The following EYA2 variants were observed in gnomAD, a reference collection of about 807,000 sequenced individuals.
EYA2 encodes the protein protein phosphatase EYA2.
EYA2 carries 31 observed loss-of-function variants against 69.2 expected under a neutral mutation model. The observed-to-expected ratio is 0.45, with a 90% CI of 0.34 to 0.60. EYA2 has a LOEUF of 0.60. Ranked by LOEUF, EYA2 falls within the 20% of genes least tolerant of loss-of-function variation. The pLI, the probability that EYA2 is intolerant of heterozygous loss-of-function variation, is 0.02. For missense variants in EYA2, 622 were observed against 701.2 expected (o/e 0.89, Z 1.28); for synonymous variants, 257 against 279.4 (o/e 0.92, Z 0.80).
chr20:46,939,264 C>T (rs530606672), intron 1 of EYA2, among the ~76,000 whole-genome samples: 1 of 152,176 alleles, frequency 6.6e-6, no homozygotes, highest in Admixed American at 6.5e-5. Flanking sequence ...GAAAAGGCAC[C>T]ATCTCACCAC....
At chr20:47,171,829 C>T (rs980706796) in intron 11 of EYA2, among the ~76,000 whole-genome samples, 1 of 152,114 alleles carries the variant, frequency 6.6e-6, no homozygotes, top group Admixed American at 6.6e-5. Flanking sequence ...CAGTGGCTCA[C>T]GCCTGTAATC....
intron 1 of EYA2, among the ~76,000 whole-genome samples, chr20:46,908,870 CTTTTTTTTTTT>C (rs56834738): frequency 0.013 from 604 of 47,552 alleles, 7 homozygotes; most frequent in Non-Finnish European, 0.015. Flanking sequence ...CTCTCCCGCA[CTTTTTTTTTTT>C]TTTTTTTTTT....
At chr20:46,984,376 A>G (rs1981041854) in intron 1 of EYA2, among the ~76,000 whole-genome samples, 1 of 94,686 alleles carries the variant, frequency 1.1e-5, no homozygotes, top group Non-Finnish European at 2.4e-5. Context: ...CCAGCAAATC[A>G]GTAAGAAAAA....
intron 15 of EYA2, among the ~76,000 whole-genome samples, chr20:47,184,031 A>G (rs796105368): frequency 2.8e-4 from 42 of 152,330 alleles, no homozygotes; most frequent in African/African-American, 9.6e-4. Context: ...AAAAATGTTC[A>G]GGGTCTCAGC....
In EYA2 at chr20:47,188,106, G is replaced by T; in HGVS notation, c.1590G>T (p.Arg530Ser). The T allele has an allele frequency of 6.3e-7, 1 of 1,587,310 alleles. No individual in the cohort carries two copies. The highest frequency in any genetic ancestry group is 1.2e-5 in the South Asian group (1 of 86,798). Residue 530 changes from arginine to serine, a missense_variant, in exon 16 of 16, where the codon AGG becomes AGT. By Grantham distance (110) the Arg-to-Ser change is moderately radical (BLOSUM62 -1). This residue lies in a region of EYA2 where 257 missense variants were observed against 351.5 expected (regional missense o/e 0.73). Transcript: ENST00000327619. ...GCCACGCAGACCTGGAGGCACTGAGGCACGCCCTGGAGCTGGAGTATTTAT... is the reference window on the plus strand; with the variant it reads ...GCCACGCAGACCTGGAGGCACTGAGTCACGCCCTGGAGCTGGAGTATTTAT... ...ISCHADLEAL[R>S]HALELEYL
At chr20:47,057,135 GA>G (rs1259992654) in intron 5 of EYA2, among the ~76,000 whole-genome samples, 2 of 113,290 alleles carry the variant, frequency 1.8e-5, no homozygotes, top group South Asian at 2.9e-4. Flanking sequence ...AGACAGGAAG[GA>G]GGGAGGAAGG....
intron 5 of EYA2, among the ~76,000 whole-genome samples, chr20:47,046,619 C>G (rs1489581935): frequency 6.6e-6 from 1 of 152,144 alleles, no homozygotes; most frequent in Non-Finnish European, 1.5e-5. Flanking sequence ...GGGTCCAAGC[C>G]CTCCTAGCCA....
chr20:47,156,790 C>CT (rs2033960561), intron 10 of EYA2, among the ~76,000 whole-genome samples: 1 of 151,934 alleles, frequency 6.6e-6, no homozygotes, highest in African/African-American at 2.4e-5. Context: ...CTGGAGGCAG[C>CT]ATTAAGCAAT....
At chr20:46,963,373 A>T (rs559405410) in intron 1 of EYA2, among the ~76,000 whole-genome samples, 2 of 152,210 alleles carry the variant, frequency 1.3e-5, no homozygotes, top group Non-Finnish European at 2.9e-5. Context: ...TCAAAAAAGA[A>T]ATGTACTGAG....
chr20:46,910,230 A>G (rs1200211561), intron 1 of EYA2, among the ~76,000 whole-genome samples: 1 of 152,160 alleles, frequency 6.6e-6, no homozygotes, highest in Non-Finnish European at 1.5e-5. Context: ...ACTTACAATC[A>G]TGGTGGGAGA....
At position 46,950,886 on chromosome 20, in the gene EYA2, G is replaced by A. The variant is rs138936559; in HGVS notation, c.-10-39115G>A. Among the ~76,000 whole-genome samples the A allele has an allele frequency of 7.2e-5, 11 of 152,294 alleles. No homozygotes were observed. The South Asian group carries it at 8.3e-4, about 11-fold the overall frequency. On this transcript the variant is annotated intron_variant, in intron 1 of 15. Transcript: ENST00000327619. ...GGAATAAAGAAGGAAGGCATGAAGC[G>A]AAGGAAAGTAACAGAGGGTGTGTGA...
chr20:46,958,715 C>T (rs1979290907), intron 1 of EYA2, among the ~76,000 whole-genome samples: 1 of 152,196 alleles, frequency 6.6e-6, no homozygotes, highest in African/African-American at 2.4e-5. Flanking sequence ...CCAATAGGCT[C>T]CAGTGTCTGC....
In EYA2 at chr20:46,924,924, C is replaced by G. The variant is rs537049367; in HGVS notation, c.-11+29937C>G. ...TGACTTTAAACAACAGAAATTTACT[C>G]TCTCCGGAGGTGGAAGTCTCCAGAG... On this transcript the variant is annotated intron_variant, in intron 1 of 15. Transcript: ENST00000327619. Among the ~76,000 whole-genome samples, 8 of 152,284 alleles carry G rather than the reference C, an allele frequency of 5.3e-5. No homozygotes were observed. In the East Asian group the frequency reaches 1.5e-3, roughly 29 times the overall value.
intron 5 of EYA2, among the ~76,000 whole-genome samples, chr20:47,019,956 G>A (rs1259586118): frequency 1.5e-5 from 2 of 135,338 alleles, no homozygotes; most frequent in Non-Finnish European, 3.1e-5. Flanking sequence ...GAGCAATAGA[G>A]CAAGACCCTA....
chr20:46,915,032 C>T (rs912460208), intron 1 of EYA2, among the ~76,000 whole-genome samples: 2 of 152,236 alleles, frequency 1.3e-5, no homozygotes, highest in Non-Finnish European at 2.9e-5. Flanking sequence ...TGGGAGGCCT[C>T]TGTCCGTGTT....
chr20:47,148,878 C>T (rs775319562), intron 10 of EYA2, among the ~76,000 whole-genome samples: 6 of 152,166 alleles, frequency 3.9e-5, no homozygotes, highest in Non-Finnish European at 7.3e-5. Flanking sequence ...GTGCCACTGT[C>T]GAGTCAGAGC....
intron 5 of EYA2, among the ~76,000 whole-genome samples, chr20:47,025,821 C>T (rs1040797553): frequency 6.6e-6 from 1 of 152,172 alleles, no homozygotes; most frequent in African/African-American, 2.4e-5. Flanking sequence ...CACAAAAACT[C>T]ATCGACCCAG....
chr20:47,078,329 G>GCACACACACACACACA lies in EYA2; in HGVS notation c.661+3995_661+3996insACACACACACACACAC, dbSNP rs11472681. Among the ~76,000 whole-genome samples, 16 of 116,162 alleles carry GCACACACACACACACA rather than the reference G, an allele frequency of 1.4e-4. No individual in the cohort carries two copies. The East Asian group carries it at 3.5e-3, about 25-fold the overall frequency. The allele number at this position is 116,162 out of a possible 152,430, so 76.2% of individuals were successfully genotyped here. A position where few individuals can be genotyped will look rare whatever the true frequency, so the allele number is the denominator to read the frequency against. ...TGCACATGTGCACGTGCGCGCGCGCGCGCACACACACACACACACACACAC... is the reference window on the plus strand; with the variant it reads ...TGCACATGTGCACGTGCGCGCGCGCGCACACACACACACACACGCACACACACACACACACACACAC... On this transcript the variant is annotated intron_variant, in intron 7 of 15. Transcript: ENST00000327619.
intron 7 of EYA2, among the ~76,000 whole-genome samples, chr20:47,087,270 T>G (rs2031926140): frequency 6.6e-6 from 1 of 152,216 alleles, no homozygotes; most frequent in East Asian, 1.9e-4. Context: ...TAGCCAAGTC[T>G]TTTTAGACAA....
Sources: allele counts gnomAD v4.1 joint callset (sites outside exome capture counted in the v4.1 genomes callset), GRCh38; gene constraint gnomAD v4.1.1; regional missense constraint gnomAD v4.1.1; transcripts MANE v1.5; gene names NCBI Gene and HGNC (gene_info 2026-07-23, HGNC 2026-07-21).